Variants in NLGN1 observed in about 807,000 individuals in gnomAD.
NLGN1 encodes the protein neuroligin 1.
NLGN1 carries 12 observed loss-of-function variants against 65.5 expected under a neutral mutation model. The observed-to-expected ratio is 0.18, with a 90% confidence interval of 0.12 to 0.30. NLGN1 has a LOEUF of 0.30. Among genes scored for constraint, NLGN1 ranks in the 10% least tolerant of loss-of-function variants. The pLI, the probability that NLGN1 is intolerant of heterozygous loss-of-function variation, is 1.00. For synonymous variants in NLGN1, 350 were observed against 359.5 expected (o/e 0.97, Z 0.30); for missense variants, 750 against 1,007.1 (o/e 0.74, Z 3.46).
chr3:173,479,254 G>T (rs557485100), intron 2 of NLGN1, among the ~76,000 whole-genome samples: 4 of 151,950 alleles, frequency 2.6e-5, no homozygotes, highest in African/African-American at 9.7e-5. Context: ...GTGGCTATAT[G>T]TGTGGCATTG....
At chr3:173,789,519 C>T (rs560065173) in intron 3 of NLGN1, among the ~76,000 whole-genome samples, 1 of 152,310 alleles carries the variant, frequency 6.6e-6, no homozygotes, top group South Asian at 2.1e-4. Flanking sequence ...TTTTCACAGC[C>T]AAAGAAATGA....
intron 2 of NLGN1, among the ~76,000 whole-genome samples, chr3:173,517,688 C>A (rs1335518880): frequency 6.6e-6 from 1 of 151,966 alleles, no homozygotes; most frequent in Non-Finnish European, 1.5e-5. Flanking sequence ...GTATGTGATT[C>A]TTTAAAACAT....
chr3:173,838,732 C>G (rs1475215229), intron 4 of NLGN1, among the ~76,000 whole-genome samples: 1 of 152,080 alleles, frequency 6.6e-6, no homozygotes, highest in Non-Finnish European at 1.5e-5. Context: ...CAGAATATTT[C>G]CAAGAACTTC....
chr3:174,272,730 T>G, intron 4 of NLGN1, among the ~76,000 whole-genome samples: 1 of 151,390 alleles, frequency 6.6e-6, no homozygotes, highest in East Asian at 1.9e-4. Context: ...GAAAGATAGA[T>G]AGATGATAGA....
chr3:173,964,821 G>A (rs964973208), intron 4 of NLGN1, among the ~76,000 whole-genome samples: 1 of 151,954 alleles, frequency 6.6e-6, no homozygotes, highest in African/African-American at 2.4e-5. Context: ...CAATATTCTT[G>A]AAAAACAAGC....
At chr3:173,558,984 G>T (rs1742188807) in intron 2 of NLGN1, among the ~76,000 whole-genome samples, 1 of 151,898 alleles carries the variant, frequency 6.6e-6, no homozygotes, top group Non-Finnish European at 1.5e-5. Flanking sequence ...AATTTTTTTG[G>T]TTGAATAGAT....
At chr3:174,206,956 T>A (rs1400364971) in intron 4 of NLGN1, among the ~76,000 whole-genome samples, 1 of 152,126 alleles carries the variant, frequency 6.6e-6, no homozygotes, top group African/African-American at 2.4e-5. Context: ...CCTCCATACT[T>A]GCCTTATTCC....
chr3:174,036,224 C>T lies in NLGN1; in HGVS notation c.646+228392C>T, dbSNP rs534440354. ...ATCAATGTTACAGTCCTCACACTTC[C>T]TGGCTTTTGAAGTTTATTTTATCCA... On this transcript the variant is annotated intron_variant, in intron 4 of 6. Transcript: ENST00000457714. Among the ~76,000 whole-genome samples, 148 of 152,222 alleles carry T rather than the reference C, an allele frequency of 9.7e-4. 2 individuals are homozygous for T. The highest frequency in any genetic ancestry group is 9.6e-3 in the Admixed American group (147 of 15,274).
rs934977138 is a variant in NLGN1, at chr3:173,778,565, T to C, written c.494-29115T>C. On this transcript the variant is annotated intron_variant, in intron 3 of 6. Coordinates refer to ENST00000457714, the Ensembl canonical transcript of NLGN1. ...TAAAAATGAATTTTTGCCATTATTA[T>C]ATACTAATATCTGCTTCTTTTTGTT... Among the ~76,000 whole-genome samples, 155 of 152,060 alleles carry C rather than the reference T, an allele frequency of 1.0e-3. 1 individual carries two copies. The highest frequency in any genetic ancestry group is 3.4e-3 in the African/African-American group (143 of 41,556).
chr3:173,766,425 C>T (rs1374711436), intron 3 of NLGN1, among the ~76,000 whole-genome samples: 1 of 152,008 alleles, frequency 6.6e-6, no homozygotes, highest in African/African-American at 2.4e-5. Context: ...TCATTCTTTC[C>T]TATTTTCCCT....
intron 4 of NLGN1, among the ~76,000 whole-genome samples, chr3:173,943,903 C>T (rs1746633021): frequency 6.6e-6 from 1 of 151,972 alleles, no homozygotes; most frequent in East Asian, 1.9e-4. Context: ...AGTAGTAAAA[C>T]AGAGAAAAAG....
At chr3:174,225,506 C>T (rs192914115) in intron 4 of NLGN1, among the ~76,000 whole-genome samples, 3 of 152,184 alleles carry the variant, frequency 2.0e-5, no homozygotes, top group East Asian at 1.9e-4. Context: ...CCGAGGCAGG[C>T]GGATCATGAG....
intron 3 of NLGN1, among the ~76,000 whole-genome samples, chr3:173,736,192 C>T (rs1417773101): frequency 6.6e-6 from 1 of 152,024 alleles, no homozygotes. Flanking sequence ...CTACTTAATA[C>T]AGTATATAGA....
intron 4 of NLGN1, among the ~76,000 whole-genome samples, chr3:173,948,674 A>AGATG (rs1188699893): frequency 6.6e-6 from 1 of 152,198 alleles, no homozygotes; most frequent in Non-Finnish European, 1.5e-5. Flanking sequence ...GATAGACACA[A>AGATG]GATGGGTACA....
chr3:174,085,955 T>G (rs1247981284), intron 4 of NLGN1, among the ~76,000 whole-genome samples: 1 of 152,016 alleles, frequency 6.6e-6, no homozygotes, highest in Non-Finnish European at 1.5e-5. Context: ...GTCTTCCAAC[T>G]TCCGTTACAA....
chr3:173,980,399 A>G (rs1718512045), intron 4 of NLGN1, among the ~76,000 whole-genome samples: 2 of 152,056 alleles, frequency 1.3e-5, no homozygotes, highest in Admixed American at 1.3e-4. Flanking sequence ...ATGTTGCTAT[A>G]TAGTCTTTTA....
intron 2 of NLGN1, among the ~76,000 whole-genome samples, chr3:173,453,991 A>G (rs1316745974): frequency 2.0e-5 from 3 of 152,238 alleles, no homozygotes; most frequent in African/African-American, 7.2e-5. Flanking sequence ...ATAAGACTTG[A>G]AAGTTGAAAT....
chr3:173,598,751 A>T (rs1749939840), intron 2 of NLGN1, among the ~76,000 whole-genome samples: 1 of 152,162 alleles, frequency 6.6e-6, no homozygotes, highest in African/African-American at 2.4e-5. Context: ...CCAAAGGAAA[A>T]AATAAGACTT....
At chr3:173,875,455 A>G (rs1345222803) in intron 4 of NLGN1, among the ~76,000 whole-genome samples, 2 of 152,232 alleles carry the variant, frequency 1.3e-5, no homozygotes, top group Non-Finnish European at 2.9e-5. Flanking sequence ...TTTAAAGCAT[A>G]AAATGTAGTG....
Sources: allele counts gnomAD v4.1 joint callset (sites outside exome capture counted in the v4.1 genomes callset), GRCh38; gene constraint gnomAD v4.1.1; transcripts MANE v1.5; gene names NCBI Gene and HGNC (gene_info 2026-07-23, HGNC 2026-07-21).